Variants in CCL7 observed in about 807,000 individuals in gnomAD.
CCL7 encodes the protein C-C motif chemokine 7.
CCL7 carries 8 observed loss-of-function variants against 7.1 expected under a neutral mutation model. The ratio of observed to expected loss-of-function variants is 1.13; its 90% CI spans 0.66 to 2.04. The LOEUF is 2.04. Among genes scored for constraint, CCL7 ranks in the 30% most tolerant of loss-of-function variants. The pLI is 0.00. For missense variants in CCL7, 134 were observed against 113.6 expected (o/e 1.18, Z -0.82); for synonymous variants, 46 against 41.2 (o/e 1.12, Z -0.45).
intron 2 of CCL7, 61 bp from the exon 3 acceptor site, chr17:34,271,636 T>C: frequency 1.3e-5 from 14 of 1,086,394 alleles, no homozygotes; most frequent in East Asian, 2.4e-5. Flanking sequence ...ATAGACTTGG[T>C]CACACTCCCA....
chr17:34,271,235 A>G lies in CCL7; in HGVS notation c.166A>G (p.Ser56Gly), dbSNP rs533890184. 3 of 1,614,110 alleles carry G rather than the reference A, an allele frequency of 1.9e-6. No individual in the cohort carries two copies. Among genetic ancestry groups the G allele is most frequent in the Admixed American group, 3.3e-5 (2 of 60,030 alleles). The change falls in exon 2 of 3, where the codon AGT (serine) becomes GGT (glycine). Residue 56 changes from serine to glycine, a missense_variant. By Grantham distance (56) the Ser-to-Gly change is moderately conservative. Coordinates refer to ENST00000378569, the MANE Select transcript of CCL7 (RefSeq NM_006273.4). ...GCTGGAGAGCTACAGAAGGACCACCAGTAGCCACTGTCCCCGGGAAGCTGT... is the reference window on the plus strand; with the variant it reads ...GCTGGAGAGCTACAGAAGGACCACCGGTAGCCACTGTCCCCGGGAAGCTGT... ...QRLESYRRTT[S>G]SHCPREAVIF...
rs747903500 is a variant in CCL7, at chr17:34,270,258, C to T, written c.-33C>T. The T allele has an allele frequency of 6.2e-7, 1 of 1,607,556 alleles. No homozygotes were observed. On this transcript the variant is annotated 5_prime_UTR_variant, in exon 1 of 3. Coordinates refer to ENST00000378569, the MANE Select transcript of CCL7 (RefSeq NM_006273.4). ...GAGACCAAACCAGAAACCTCCAATT[C>T]TCATGTGGAAGCCCATGCCCTCACC...
rs149134406 is a variant in CCL7 at position 34,270,250 on chromosome 17, C to T, written c.-41C>T. 6.2e-4 allele frequency: 986 copies of T among 1,600,414 alleles called. 2 individuals are homozygous for T. In the African/African-American group the frequency reaches 0.012, roughly 19 times the overall value. ...GAGGGGCTGAGACCAAACCAGAAAC[C>T]TCCAATTCTCATGTGGAAGCCCATG... On this transcript the variant is annotated 5_prime_UTR_variant, in exon 1 of 3. Transcript: ENST00000378569.
intron 2 of CCL7, 73 bp from the exon 3 acceptor site, chr17:34,271,624 C>T (rs886116522): frequency 3.2e-6 from 3 of 951,252 alleles, no homozygotes; most frequent in African/African-American, 3.3e-5. Flanking sequence ...GACAGATTTC[C>T]CATAGACTTG....
At chr17:34,270,570 C>T (rs761009448) in intron 1 of CCL7, among the ~76,000 whole-genome samples, 2 of 152,216 alleles carry the variant, frequency 1.3e-5, no homozygotes, top group Non-Finnish European at 2.9e-5. Context: ...CTGTGAACCC[C>T]AAATCCAGCT....
intron 1 of CCL7, 85 bp from the exon 2 acceptor site, chr17:34,271,061 C>A: frequency 1.9e-6 from 3 of 1,591,088 alleles, no homozygotes; most frequent in Non-Finnish European, 2.6e-6. Context: ...TTTCTGATTC[C>A]TTCTTCTTAC....
Position 34,271,923 on chromosome 17 carries a change from T to C in CCL7, c.*121T>C, listed in dbSNP as rs17735770. The C allele has an allele frequency of 0.045, 28,368 of 629,522 alleles. 831 individuals are homozygous for C. The highest frequency in any genetic ancestry group is 0.054 in the Non-Finnish European group (19,373 of 357,284). 39.0% of individuals were successfully genotyped at this position (629,522 alleles called of 1,614,324 possible). A position where few individuals can be genotyped will look rare whatever the true frequency, so the allele number is the denominator to read the frequency against. On this transcript the variant is annotated 3_prime_UTR_variant, in exon 3 of 3. Coordinates refer to ENST00000378569, the MANE Select transcript of CCL7 (RefSeq NM_006273.4). Reference sequence around the variant, plus strand: ...CTAATTCTAAGGAATATGAGCTTTATGTAATAATGTGAATCATGGTTTTTC... The same window carrying C: ...CTAATTCTAAGGAATATGAGCTTTACGTAATAATGTGAATCATGGTTTTTC...
Position 34,272,001 on chromosome 17 carries a change from G to C in CCL7, c.*199G>C, listed in dbSNP as rs996361975. ...TTTAATTTAATCTTCCATGGATTTT[G>C]GTGGGTTTTGAACATAAAGCCTTGG... On this transcript the variant is annotated 3_prime_UTR_variant, in exon 3 of 3. Coordinates refer to ENST00000378569, the MANE Select transcript of CCL7 (RefSeq NM_006273.4). The C allele has an allele frequency of 2.1e-6, 1 of 479,530 alleles. No individual in the cohort carries two copies. Among genetic ancestry groups the C allele is most frequent in the African/African-American group, 2.0e-5 (1 of 49,060 alleles). The allele number at this position is 479,530 out of a possible 1,614,324, so 29.7% of individuals were successfully genotyped here.
At chr17:34,270,975 G>A in intron 1 of CCL7, 171 bp from the exon 2 acceptor site, 4 of 1,383,890 alleles carry the variant, frequency 2.9e-6, no homozygotes, top group Non-Finnish European at 3.8e-6. Context: ...AAAGTGAAAG[G>A]GAGTTTATGA....
Position 34,272,033 on chromosome 17 carries a change from A to G in CCL7, c.*231A>G, listed in dbSNP as rs2142203818. The G allele has an allele frequency of 2.4e-6, 1 of 420,470 alleles. No individual in the cohort carries two copies. The highest frequency in any genetic ancestry group is 5.1e-5 in the East Asian group (1 of 19,438). 26.0% of individuals were successfully genotyped at this position (420,470 alleles called of 1,614,324 possible). A position where few individuals can be genotyped will look rare whatever the true frequency, so the allele number is the denominator to read the frequency against. ...TTTGAACATAAAGCCTTGGATGTAT[A>G]TGTCATCTCAGTGCTGTAAAAACTG... On this transcript the variant is annotated 3_prime_UTR_variant, in exon 3 of 3. Transcript: ENST00000378569.
Position 34,271,995 on chromosome 17 carries a change from G to A in CCL7, c.*193G>A, listed in dbSNP as rs898910870. ...TAATATTTTAATTTAATCTTCCATG[G>A]ATTTTGGTGGGTTTTGAACATAAAG... On this transcript the variant is annotated 3_prime_UTR_variant, in exon 3 of 3. Transcript: ENST00000378569. 18 of 488,816 alleles carry A rather than the reference G, an allele frequency of 3.7e-5. No individual in the cohort carries two copies. Among genetic ancestry groups the A allele is most frequent in the African/African-American group, 3.2e-4 (16 of 49,260 alleles). The allele number at this position is 488,816 out of a possible 1,614,324, so 30.3% of individuals were successfully genotyped here.
chr17:34,271,708 A>C lies in CCL7; in HGVS notation c.206A>C (p.Lys69Thr). 1 of 1,609,124 alleles carries C rather than the reference A, an allele frequency of 6.2e-7. No individual in the cohort carries two copies. The highest frequency in any genetic ancestry group is 8.5e-7 in the Non-Finnish European group (1 of 1,178,556). ...CPREAVIFKTKLDKEICADPT... is the reference protein window; with the variant it reads ...CPREAVIFKTTLDKEICADPT... ...TTTCTGCTCCACAGCTTCAAGACCA[A>C]ACTGGACAAGGAGATCTGTGCTGAC... is the stretch of plus-strand genomic sequence containing the variant. Residue 69 changes from lysine (K) to threonine (T), a missense_variant, in exon 3 of 3, where the codon AAA becomes ACA. By Grantham distance (78) the Lys-to-Thr change is moderately conservative. Coordinates refer to ENST00000378569, the MANE Select transcript of CCL7 (RefSeq NM_006273.4).
At position 34,270,243 on chromosome 17, in the gene CCL7, C is replaced by A. The variant is rs1908073402; in HGVS notation, c.-48C>A. ...AGGAGCAGAGGGGCTGAGACCAAAC[C>A]AGAAACCTCCAATTCTCATGTGGAA... On this transcript the variant is annotated 5_prime_UTR_variant, in exon 1 of 3. Coordinates refer to ENST00000378569, the MANE Select transcript of CCL7 (RefSeq NM_006273.4). The A allele has an allele frequency of 1.3e-6, 2 of 1,588,720 alleles. No homozygotes were observed. The highest frequency in any genetic ancestry group is 8.6e-7 in the Non-Finnish European group (1 of 1,156,958).
In CCL7 at chr17:34,271,183, T is replaced by C. The variant is rs200419352; in HGVS notation, c.114T>C (p.Phe38=). Residue 38 remains phenylalanine, a synonymous_variant, in exon 2 of 3, where the codon TTT becomes TTC. Transcript: ENST00000378569. The part of the protein sequence containing the change: ...INTSTTCCYR[F]INKKIPKQRL... ...CTTCAACTACCTGCTGCTACAGATT[T>C]ATCAATAAGAAAATCCCTAAGCAGA... 3 of 1,614,118 alleles carry C rather than the reference T, an allele frequency of 1.9e-6. No individual in the cohort carries two copies. The highest frequency in any genetic ancestry group is 2.5e-6 in the Non-Finnish European group (3 of 1,180,014).
In CCL7 at chr17:34,271,937, T is replaced by A. The variant is rs1047308330; in HGVS notation, c.*135T>A. On this transcript the variant is annotated 3_prime_UTR_variant, in exon 3 of 3. Transcript: ENST00000378569. ...TATGAGCTTTATGTAATAATGTGAATCATGGTTTTTCTTAGTAGATTTTAA... is the reference window on the plus strand; with the variant it reads ...TATGAGCTTTATGTAATAATGTGAAACATGGTTTTTCTTAGTAGATTTTAA... 1.7e-6 allele frequency: 1 copy of A among 605,770 alleles called. No individual in the cohort carries two copies. The highest frequency in any genetic ancestry group is 2.9e-6 in the Non-Finnish European group (1 of 343,940). The allele number at this position is 605,770 out of a possible 1,614,324, so 37.5% of individuals were successfully genotyped here. A position where few individuals can be genotyped will look rare whatever the true frequency, so the allele number is the denominator to read the frequency against.
intron 1 of CCL7, 115 bp downstream of exon 1, chr17:34,270,481 T>C: frequency 1.2e-6 from 1 of 808,864 alleles, no homozygotes; most frequent in South Asian, 1.7e-5. Flanking sequence ...TTTTCCAAGA[T>C]AAGGTAACTT....
At position 34,270,366 on chromosome 17, in the gene CCL7, G is replaced by C. The variant is rs777326089; in HGVS notation, c.76G>C (p.Val26Leu). ...AFSPQGLAQPVGINTSTTCCY... is the reference protein window; with the variant it reads ...AFSPQGLAQPLGINTSTTCCY... Reference sequence around the variant, plus strand: ...CAGCCCCCAGGGGCTTGCTCAGCCAGGTAAGGTCCCTCTCTCCTTCTCCTT... The same window carrying C: ...CAGCCCCCAGGGGCTTGCTCAGCCACGTAAGGTCCCTCTCTCCTTCTCCTT... The change falls in exon 1 of 3, where the codon GTT (valine) becomes CTT (leucine). Residue 26 changes from valine (V) to leucine (L), a missense_variant and splice_region_variant. Physicochemically the swap from Val to Leu is conservative, Grantham distance 32 (BLOSUM62 1). Transcript: ENST00000378569. 2 of 1,613,968 alleles carry C rather than the reference G, an allele frequency of 1.2e-6. No individual in the cohort carries two copies. The highest frequency in any genetic ancestry group is 4.5e-5 in the East Asian group (2 of 44,882).
At chr17:34,270,710 T>G (rs762443989) in intron 1 of CCL7, among the ~76,000 whole-genome samples, 3 of 152,130 alleles carry the variant, frequency 2.0e-5, no homozygotes, top group Non-Finnish European at 4.4e-5. Context: ...TGTTTCCAGA[T>G]ACCGGGAGAC....
In CCL7 at chr17:34,271,960, TAA is replaced by T. The variant is rs1375216908; in HGVS notation, c.*161_*162del. The T allele has an allele frequency of 3.5e-6, 2 of 568,070 alleles. No individual in the cohort carries two copies. The highest frequency in any genetic ancestry group is 3.9e-5 in the African/African-American group (2 of 50,948). 35.2% of individuals were successfully genotyped at this position (568,070 alleles called of 1,614,324 possible). A position where few individuals can be genotyped will look rare whatever the true frequency, so the allele number is the denominator to read the frequency against. The stretch of plus-strand genomic sequence containing the variant: ...AATCATGGTTTTTCTTAGTAGATTT[TAA>T]AAGTTATTAATATTTTAATTTAATC... On this transcript the variant is annotated 3_prime_UTR_variant, in exon 3 of 3. Coordinates refer to ENST00000378569, the MANE Select transcript of CCL7 (RefSeq NM_006273.4).
Sources: allele counts gnomAD v4.1 joint callset (sites outside exome capture counted in the v4.1 genomes callset), GRCh38; gene constraint gnomAD v4.1.1; transcripts MANE v1.5; gene names NCBI Gene and HGNC (gene_info 2026-07-23, HGNC 2026-07-21).